CACNB2: variants seen among roughly 807,000 people sequenced by gnomAD.
CACNB2 encodes voltage-dependent L-type calcium channel subunit beta-2.
CACNB2 carries 42 observed loss-of-function variants against 73.3 expected under a neutral mutation model. The ratio of observed to expected loss-of-function variants is 0.57; its 90% CI spans 0.45 to 0.74. The LOEUF (loss-of-function observed/expected upper bound fraction) is 0.74. CACNB2 is among the 30% of genes least tolerant of loss of function. The probability of loss-of-function intolerance (pLI) is 0.00; values close to 1 mark genes in which losing one functional copy is unlikely to be tolerated. For synonymous variants in CACNB2, 348 were observed against 310.3 expected (o/e 1.12, Z -1.28); for missense variants, 940 against 853.0 (o/e 1.10, Z -1.27).
chr10:18,247,561 A>T (rs2131537420), intron 2 of CACNB2, among the ~76,000 whole-genome samples: 1 of 152,306 alleles, frequency 6.6e-6, no homozygotes, highest in African/African-American at 2.4e-5. Context: ...TCTCTTAAAA[A>T]AAAAATCATA....
At chr10:18,391,772 C>T (rs533299435) in intron 2 of CACNB2, among the ~76,000 whole-genome samples, 9 of 151,600 alleles carry the variant, frequency 5.9e-5, no homozygotes, top group Non-Finnish European at 1.0e-4. Flanking sequence ...ACAGAAAATA[C>T]GAAAAATTAG....
chr10:18,306,463 A>G (rs977080056), intron 2 of CACNB2, among the ~76,000 whole-genome samples: 3 of 152,146 alleles, frequency 2.0e-5, no homozygotes, highest in African/African-American at 7.2e-5. Context: ...AGATTCCATA[A>G]TGGTTCCCAT....
chr10:18,249,541 G>A, intron 2 of CACNB2, among the ~76,000 whole-genome samples: 1 of 152,034 alleles, frequency 6.6e-6, no homozygotes, highest in East Asian at 1.9e-4. Context: ...TCAGACTCTT[G>A]ACTCTGTCCC....
At chr10:18,525,697 T>C (rs2052398146) in intron 9 of CACNB2, among the ~76,000 whole-genome samples, 1 of 152,208 alleles carries the variant, frequency 6.6e-6, no homozygotes, top group Non-Finnish European at 1.5e-5. Context: ...CTTTATTTTC[T>C]TTCCTCTGTC....
At chr10:18,198,135 A>G (rs952112673) in intron 2 of CACNB2, among the ~76,000 whole-genome samples, 1 of 146,950 alleles carries the variant, frequency 6.8e-6, no homozygotes, top group Non-Finnish European at 1.5e-5. Context: ...TAATATATTA[A>G]TATATATTAC....
intron 3 of CACNB2, among the ~76,000 whole-genome samples, chr10:18,454,191 A>G (rs373816387): frequency 5.3e-5 from 8 of 152,358 alleles, no homozygotes; most frequent in African/African-American, 1.9e-4. Flanking sequence ...TCCCTTAGGA[A>G]CATTCAGGGG....
chr10:18,166,040 G>A (rs977171264), intron 2 of CACNB2, among the ~76,000 whole-genome samples: 7 of 152,118 alleles, frequency 4.6e-5, no homozygotes, highest in East Asian at 1.9e-4. Context: ...TCTTATATTC[G>A]TAATATATAT....
intron 2 of CACNB2, among the ~76,000 whole-genome samples, chr10:18,394,522 C>T (rs1294025914): frequency 6.6e-6 from 1 of 152,148 alleles, no homozygotes; most frequent in East Asian, 1.9e-4. Context: ...TTACTCCTAA[C>T]TCTGTGGATC....
At chr10:18,484,258 G>A (rs533317545) in intron 3 of CACNB2, among the ~76,000 whole-genome samples, 60 of 152,142 alleles carry the variant, frequency 3.9e-4, no homozygotes, top group African/African-American at 1.3e-3. Context: ...GCCGGGCGTG[G>A]TGGCGGGCGC....
Position 18,165,727 on chromosome 10 carries a change from A to G in CACNB2, c.213+14752A>G, listed in dbSNP as rs112368338. 9.1e-3 allele frequency among the ~76,000 whole-genome samples: 1,385 copies of G among 152,324 alleles called. 6 individuals carry two copies. Among genetic ancestry groups the G allele is most frequent in the African/African-American group, 0.015 (642 of 41,568 alleles). Reference sequence around the variant, plus strand: ...TGAAACACCTTATTTACATATACCAATTCTGAATAACCTGTACAGGAAGTA... The same window carrying G: ...TGAAACACCTTATTTACATATACCAGTTCTGAATAACCTGTACAGGAAGTA... On this transcript the variant is annotated intron_variant, in intron 2 of 13. Transcript: ENST00000324631.
chr10:18,357,731 G>A (rs928582867), intron 2 of CACNB2, among the ~76,000 whole-genome samples: 2 of 152,198 alleles, frequency 1.3e-5, no homozygotes, highest in Non-Finnish European at 2.9e-5. Context: ...GTCAAAGATC[G>A]TGAGAGGAGG....
chr10:18,305,851 G>A (rs1455273521), intron 2 of CACNB2, among the ~76,000 whole-genome samples: 1 of 152,074 alleles, frequency 6.6e-6, no homozygotes, highest in Non-Finnish European at 1.5e-5. Context: ...ATATAAAAAT[G>A]ATAAGTGTTG....
chr10:18,411,725 C>G (rs889741384), intron 3 of CACNB2, among the ~76,000 whole-genome samples: 4 of 152,244 alleles, frequency 2.6e-5, no homozygotes, highest in African/African-American at 9.6e-5. Context: ...CCAGGCTGTT[C>G]TCGAACTCCT....
chr10:18,383,358 G>C (rs1051748751), intron 2 of CACNB2, among the ~76,000 whole-genome samples: 1 of 152,042 alleles, frequency 6.6e-6, no homozygotes, highest in Non-Finnish European at 1.5e-5. Flanking sequence ...GAATATAGAG[G>C]GGCTAGCAGA....
At chr10:18,197,097 G>A (rs2034660031) in intron 2 of CACNB2, among the ~76,000 whole-genome samples, 1 of 151,936 alleles carries the variant, frequency 6.6e-6, no homozygotes. Flanking sequence ...AGCCCCCTGG[G>A]CAGTGCTTCC....
At chr10:18,374,862 C>G (rs1302667337) in intron 2 of CACNB2, among the ~76,000 whole-genome samples, 1 of 152,136 alleles carries the variant, frequency 6.6e-6, no homozygotes, top group African/African-American at 2.4e-5. Flanking sequence ...AGCCTTAGAA[C>G]TGTAATGTAA....
At chr10:18,151,560 C>G (rs534120830) in intron 2 of CACNB2, among the ~76,000 whole-genome samples, 1 of 152,250 alleles carries the variant, frequency 6.6e-6, no homozygotes, top group South Asian at 2.1e-4. Context: ...CCTAAACAGA[C>G]AGTGCCAGGC....
At chr10:18,470,672 T>A (rs1326491167) in intron 3 of CACNB2, among the ~76,000 whole-genome samples, 1 of 152,122 alleles carries the variant, frequency 6.6e-6, no homozygotes. Flanking sequence ...CCAGATCCTA[T>A]TACGCTATGT....
chr10:18,516,019 GC>G (rs2051242117), intron 7 of CACNB2, among the ~76,000 whole-genome samples: 2 of 152,092 alleles, frequency 1.3e-5, no homozygotes, highest in Non-Finnish European at 2.9e-5. Context: ...TTTGAGACCA[GC>G]CTGGCCAACA....
Sources: gnomAD v4.1 joint callset for allele counts (sites outside exome capture counted in the v4.1 genomes callset) on GRCh38, gnomAD v4.1.1 for gene constraint, MANE v1.5 for transcripts, NCBI Gene and HGNC (gene_info 2026-07-23, HGNC 2026-07-21) for gene names.